The following GFI1B variants were observed in gnomAD, a reference collection of about 807,000 sequenced individuals.
The protein encoded by GFI1B is growth factor independent 1B transcriptional repressor.
GFI1B carries 20 observed loss-of-function variants against 35.3 expected under a neutral mutation model. The ratio of observed to expected loss-of-function variants is 0.57; its 90% CI spans 0.40 to 0.82. GFI1B has a LOEUF of 0.82. GFI1B is among the 40% of genes least tolerant of loss of function. GFI1B has a pLI of 0.00. For missense variants in GFI1B, 430 were observed against 446.3 expected (o/e 0.96, Z 0.33); for synonymous variants, 178 against 177.6 (o/e 1.00, Z -0.02).
At position 132,968,337 on chromosome 9, in the gene GFI1B, G is replaced by A. The variant is rs924257113; in HGVS notation, c.-700-4388G>A. 3.1e-4 allele frequency among the ~76,000 whole-genome samples: 47 copies of A among 151,598 alleles called. 1 individual carries two copies. Among genetic ancestry groups the A allele is most frequent in the Non-Finnish European group, 1.0e-4 (7 of 67,976 alleles). Reference sequence around the variant, plus strand: ...AGGCCTCACTACATTGCCTGGGCTGGTCTCGAACTCCTGGGCTCGAGCAAT... The same window carrying A: ...AGGCCTCACTACATTGCCTGGGCTGATCTCGAACTCCTGGGCTCGAGCAAT... On this transcript the variant is annotated intron_variant, in intron 1 of 10. Coordinates refer to the GFI1B transcript ENST00000339463.
chr9:132,989,978 G>T lies in GFI1B; in HGVS notation c.814+71G>T. 7.3e-7 allele frequency: 1 copy of T among 1,375,206 alleles called. No homozygotes were observed. Among genetic ancestry groups the T allele is most frequent in the Non-Finnish European group, 1.0e-6 (1 of 970,016 alleles). 85.2% of individuals were successfully genotyped at this position (1,375,206 alleles called of 1,614,324 possible). A position where few individuals can be genotyped will look rare whatever the true frequency, so the allele number is the denominator to read the frequency against. Reference sequence around the variant, plus strand: ...ACCTTTCCCTGAGAGATGCATCAGAGGCCCCCAGCGTGAGGCTGGGGGCGG... The same window carrying T: ...ACCTTTCCCTGAGAGATGCATCAGATGCCCCCAGCGTGAGGCTGGGGGCGG... On this transcript the variant is annotated intron_variant, in intron 6 of 6. Coordinates refer to ENST00000372122, the MANE Select transcript of GFI1B (RefSeq NM_001377304.1). This position sits in a 1 kb window ranked among gnomAD's most constrained non-coding sequence, Gnocchi z 6.2.
In GFI1B at chr9:132,989,024, A is replaced by C; in HGVS notation, c.511-37A>C. On this transcript the variant is annotated intron_variant, in intron 4 of 6. Transcript: ENST00000372122. The surrounding 1 kb of genome is among the most constrained non-coding windows in gnomAD (Gnocchi z 6.2). ...ACCCCAGGCCTGTCCCTGTCACCGC[A>C]GCCCCCAGTGGCCTCACATGCTGCC... 1 of 1,609,754 alleles carries C rather than the reference A, an allele frequency of 6.2e-7. No individual in the cohort carries two copies.
At position 132,981,979 on chromosome 9, in the gene GFI1B, C is replaced by G. The variant is rs150114315; in HGVS notation, c.-21+3138C>G. Among the ~76,000 whole-genome samples, 891 of 152,324 alleles carry G rather than the reference C, an allele frequency of 5.8e-3. 9 individuals carry two copies. The highest frequency in any genetic ancestry group is 0.02 in the African/African-American group (847 of 41,566). On this transcript the variant is annotated intron_variant, in intron 1 of 6. Transcript: ENST00000372122. ...TGTTGGCCAGGCTGGTCTTGAACTCCTGACTTCAGGTGATCCGCCTGCCTT... is the reference window on the plus strand; with the variant it reads ...TGTTGGCCAGGCTGGTCTTGAACTCGTGACTTCAGGTGATCCGCCTGCCTT...
chr9:132,988,229 G>T lies in GFI1B; in HGVS notation c.271G>T (p.Gly91Trp). 6.2e-7 allele frequency: 1 copy of T among 1,613,974 alleles called. No homozygotes were observed. The highest frequency in any genetic ancestry group is 1.3e-5 in the African/African-American group (1 of 75,040). The change falls in exon 4 of 7, where the codon GGG (glycine) becomes TGG (tryptophan). Residue 91 changes from glycine (G) to tryptophan (W), a missense_variant. Gly to Trp is a radical substitution (Grantham distance 184, BLOSUM62 -2). Transcript: ENST00000372122. ...CATTGTGCTGTCCCGACCCCAGGAT[G>T]GGGACTCTCCACTGTCCGACTCACC... ...GPIVLSRPQD[G>W]DSPLSDSPPF...
At chr9:132,960,622 A>C (rs1474569509) in intron 1 of GFI1B, among the ~76,000 whole-genome samples, 1 of 151,866 alleles carries the variant, frequency 6.6e-6, no homozygotes, top group Admixed American at 6.6e-5. Flanking sequence ...TCAGCCTCCC[A>C]AAGAGCTGGG....
chr9:132,971,170 G>T (rs1588418915), intron 1 of GFI1B, among the ~76,000 whole-genome samples: 1 of 152,180 alleles, frequency 6.6e-6, no homozygotes. Flanking sequence ...GGCCCAGATG[G>T]ACTTGTCAAT....
downstream of GFI1B, among the ~76,000 whole-genome samples, chr9:132,992,761 G>A (rs1849324552): frequency 6.6e-6 from 1 of 152,160 alleles, no homozygotes; most frequent in Non-Finnish European, 1.5e-5. Context: ...GTGGAATGCA[G>A]TTATGTGTGG....
chr9:132,973,093 G>T (rs1039187535), intron 2 of GFI1B, among the ~76,000 whole-genome samples: 1 of 152,220 alleles, frequency 6.6e-6, no homozygotes, highest in Non-Finnish European at 1.5e-5. Flanking sequence ...GGCTCTCTGG[G>T]AGCCCCTGGA....
intron 2 of GFI1B, among the ~76,000 whole-genome samples, chr9:132,973,048 A>G (rs946111939): frequency 3.3e-5 from 5 of 152,180 alleles, no homozygotes; most frequent in Non-Finnish European, 4.4e-5. Context: ...TGGCACCAAG[A>G]TGTACATAGA....
At chr9:132,963,963 G>T (rs190729988) in intron 1 of GFI1B, among the ~76,000 whole-genome samples, 1 of 152,274 alleles carries the variant, frequency 6.6e-6, no homozygotes, top group African/African-American at 2.4e-5. Context: ...ATGCAGGCTG[G>T]GCATGGGTGG....
intron 1 of GFI1B, among the ~76,000 whole-genome samples, chr9:132,959,280 G>A (rs1588409767): frequency 6.6e-6 from 1 of 152,124 alleles, no homozygotes; most frequent in Non-Finnish European, 1.5e-5. Context: ...GTTTTATAAG[G>A]GGCTTTCCCC....
upstream of GFI1B, among the ~76,000 whole-genome samples, chr9:132,975,685 C>A (rs117740440): frequency 0.026 from 3,916 of 152,214 alleles, 82 homozygotes; most frequent in Non-Finnish European, 0.04. Flanking sequence ...ACATGTGTTA[C>A]ATAAGGGAGG....
At position 132,948,931 on chromosome 9, in the gene GFI1B, T is replaced by A. The variant is rs114455489; in HGVS notation, c.-701+3262T>A. ...TCCCTCCTCTTGGATTTGACCAAAG[T>A]GCGGCAGGGTCAGGTGAGCGAGGAA... On this transcript the variant is annotated intron_variant, in intron 1 of 10. Transcript: ENST00000339463. 1.1e-3 allele frequency among the ~76,000 whole-genome samples: 167 copies of A among 152,306 alleles called. 2 individuals are homozygous for A. Among genetic ancestry groups the A allele is most frequent in the African/African-American group, 3.1e-3 (130 of 41,572 alleles).
At chr9:132,978,439 T>G (rs1848697150), upstream of GFI1B, 2 of 152,256 alleles carry the variant, frequency 1.3e-5, no homozygotes, top group Admixed American at 6.5e-5. Flanking sequence ...TTTAATAATT[T>G]AGCCATCACT....
At chr9:132,973,832 C>T (rs999147714), upstream of GFI1B, among the ~76,000 whole-genome samples, 1 of 152,136 alleles carries the variant, frequency 6.6e-6, no homozygotes, top group Admixed American at 6.5e-5. Flanking sequence ...TGCTCAAACC[C>T]ACCTCTTCCT....
chr9:132,969,684 T>G lies in GFI1B; in HGVS notation c.-700-3041T>G, dbSNP rs1848503915. ...TGCTGGAACTGGGTGAGATGATTTG[T>G]AAAGGACTCTTTCCTGTTTTCCAAA... On this transcript the variant is annotated intron_variant, in intron 1 of 10. Coordinates refer to the GFI1B transcript ENST00000339463. Among the ~76,000 whole-genome samples, 3 of 152,184 alleles carry G rather than the reference T, an allele frequency of 2.0e-5. No individual in the cohort carries two copies. The South Asian group carries it at 6.2e-4, about 32-fold the overall frequency.
intron 1 of GFI1B, among the ~76,000 whole-genome samples, chr9:132,947,983 T>C (rs1243868829): frequency 6.6e-6 from 1 of 152,182 alleles, no homozygotes; most frequent in African/African-American, 2.4e-5. Context: ...CACTCAGCTA[T>C]TGTTACAAGT....
intron 1 of GFI1B, chr9:132,949,740 C>G (rs376128629): frequency 1.3e-5 from 2 of 152,896 alleles, no homozygotes; most frequent in East Asian, 3.8e-4. Flanking sequence ...CAGCAAGGAG[C>G]AGCTGTGGCC....
chr9:132,960,748 C>T (rs1255397148), intron 1 of GFI1B, among the ~76,000 whole-genome samples: 1 of 151,892 alleles, frequency 6.6e-6, no homozygotes. Flanking sequence ...GAGATCCTCC[C>T]ACCTCAGTCT....
Sources: allele counts gnomAD v4.1 joint callset (sites outside exome capture counted in the v4.1 genomes callset), GRCh38; gene constraint gnomAD v4.1.1; non-coding constraint Gnocchi (gnomAD v3.1); transcripts MANE v1.5; gene names NCBI Gene and HGNC (gene_info 2026-07-23, HGNC 2026-07-21).